The following MUTYH variants were observed in gnomAD, a reference collection of about 807,000 sequenced individuals.
MUTYH encodes mutY DNA glycosylase.
MUTYH carries 64 observed loss-of-function variants against 72.9 expected under a neutral mutation model. The observed-to-expected ratio is 0.88, with a 90% confidence interval of 0.72 to 1.08. The LOEUF is 1.08. Among genes scored for constraint, MUTYH ranks in the 50% least tolerant of loss-of-function variants. The pLI, the probability that MUTYH is intolerant of heterozygous loss-of-function variation, is 0.00. For missense variants in MUTYH, 633 were observed against 671.0 expected (o/e 0.94, Z 0.63); for synonymous variants, 234 against 263.1 (o/e 0.89, Z 1.07).
intron 1 of MUTYH, chr1:45,338,619 C>T: frequency 1.2e-5 from 3 of 253,564 alleles, no homozygotes; most frequent in South Asian, 7.5e-5. Context: ...TGGTGTGTGT[C>T]CAAAGTCAGT....
chr1:45,339,970 G>A lies in MUTYH; in HGVS notation c.-78C>T, dbSNP rs1164643036. ...TCCCGCCGCGAGAGCAGGAGAGAAA[G>A]ATTACCTCCCGCGAGCTCTAGCGCG... On this transcript the variant is annotated 5_prime_UTR_variant, in exon 1 of 16. Transcript: ENST00000456914. 5 of 1,523,456 alleles carry A rather than the reference G, an allele frequency of 3.3e-6. No individual in the cohort carries two copies. Among genetic ancestry groups the A allele is most frequent in the South Asian group, 1.2e-5 (1 of 83,534 alleles). 94.4% of individuals were successfully genotyped at this position (1,523,456 alleles called of 1,614,324 possible).
chr1:45,336,370 C>G (rs537356487), intron 1 of MUTYH, among the ~76,000 whole-genome samples: 1 of 152,268 alleles, frequency 6.6e-6, no homozygotes, highest in Non-Finnish European at 1.5e-5. Context: ...GCCTCTGAGC[C>G]CAAGCTAAGC....
chr1:45,329,523 A>C, intron 15 of MUTYH, 86 bp from the exon 16 acceptor site: 3 of 1,541,594 alleles, frequency 1.9e-6, no homozygotes, highest in Non-Finnish European at 2.7e-6. Flanking sequence ...CCTTTCCCCG[A>C]CTCTACTGAT....
chr1:45,340,213 G>C (rs1553136962), upstream of MUTYH: 8 of 1,613,816 alleles, frequency 5.0e-6, no homozygotes, highest in East Asian at 2.2e-5. Context: ...CGCAAGTCCA[G>C]CGTACCCACA....
chr1:45,340,194 G>C (rs376685164), upstream of MUTYH: 26 of 1,613,286 alleles, frequency 1.6e-5, no homozygotes, highest in African/African-American at 1.2e-4. Flanking sequence ...ACCGCGCCAG[G>C]AGACGGACCG....
rs765046399 is a variant in MUTYH at position 45,332,291 on chromosome 1, C to T, written c.724G>A (p.Val242Met). The change falls in exon 10 of 16, where the codon GTG becomes ATG. Residue 242 changes from valine (V) to methionine (M), a missense_variant. Transcript: ENST00000456914. ...QQLWGLAQQL[V>M]DPARPGDFNQ... ...AAATCTCCTGGCCGGGCTGGGTCCACCAGCTGCTGGGCTAGACCCCTAAAA... is the reference window on the plus strand; with the variant it reads ...AAATCTCCTGGCCGGGCTGGGTCCATCAGCTGCTGGGCTAGACCCCTAAAA... 1.2e-6 allele frequency: 2 copies of T among 1,614,016 alleles called. No individual in the cohort carries two copies. Among genetic ancestry groups the T allele is most frequent in the African/African-American group, 1.3e-5 (1 of 74,930 alleles).
At chr1:45,335,506 CCTCCTCCTCTTCAGGGTCCTG>C (rs890484158) in intron 1 of MUTYH, among the ~76,000 whole-genome samples, 1 of 151,988 alleles carries the variant, frequency 6.6e-6, no homozygotes, top group Non-Finnish European at 1.5e-5. Context: ...ACTGTCTTAC[CCTCCTCCTCTTCAGGGTCCTG>C]CTCCTCCAAT....
chr1:45,329,280 T>C lies in MUTYH; in HGVS notation c.*26A>G. On this transcript the variant is annotated 3_prime_UTR_variant, in exon 16 of 16. Coordinates refer to ENST00000456914, the MANE Select transcript of MUTYH (RefSeq NM_001048174.2). ...AAGCACTTTACTAACAACAGGATTC[T>C]CAGGGAATGGGGGCTTTCAGAGGTG... 6.2e-7 allele frequency: 1 copy of C among 1,614,104 alleles called. No individual in the cohort carries two copies. The highest frequency in any genetic ancestry group is 8.5e-7 in the Non-Finnish European group (1 of 1,179,974).
chr1:45,329,454 G>A lies in MUTYH; in HGVS notation c.1435-17C>T, dbSNP rs1440859293. On this transcript the variant is annotated splice_polypyrimidine_tract_variant and intron_variant, in intron 15 of 15. Coordinates refer to ENST00000456914, the MANE Select transcript of MUTYH (RefSeq NM_001048174.2). ...TTTGGAACCCTGTGAAAAAATGGAA[G>A]GAGGGAGGCCTTGTAGTTGGGGGAG... 1.9e-6 allele frequency: 3 copies of A among 1,613,782 alleles called. No homozygotes were observed. The South Asian group carries it at 3.3e-5, about 18-fold the overall frequency.
In MUTYH at chr1:45,331,826, G is replaced by C; in HGVS notation, c.937C>G (p.Leu313Val). Residue 313 changes from leucine to valine, a missense_variant, in exon 12 of 16, where the codon CTG becomes GTG. Leu to Val is a conservative substitution (Grantham distance 32). Transcript: ENST00000456914. Reference sequence around the variant, plus strand: ...CAGGGCTCCGAGGGAGGCAGGCACAGGTGGCACTGTCCAGTGTTGGGAGCT... The same window carrying C: ...CAGGGCTCCGAGGGAGGCAGGCACACGTGGCACTGTCCAGTGTTGGGAGCT... ...ECAPNTGQCH[L>V]CLPPSEPWDQ... is the part of the protein sequence containing the mutation. 1 of 1,607,748 alleles carries C rather than the reference G, an allele frequency of 6.2e-7. No individual in the cohort carries two copies. Among genetic ancestry groups the C allele is most frequent in the South Asian group, 1.1e-5 (1 of 90,482 alleles).
chr1:45,340,151 C>G, upstream of MUTYH: 2 of 1,591,550 alleles, frequency 1.3e-6, no homozygotes, highest in Non-Finnish European at 1.7e-6. Flanking sequence ...GGCGACCCGA[C>G]GGCGAGACCC....
At position 45,334,482 on chromosome 1, in the gene MUTYH, C is replaced by T. The variant is rs370493415; in HGVS notation, c.24G>A (p.Val8=). Residue 8 remains valine (V), a synonymous_variant, in exon 2 of 16, where the codon GTG becomes GTA. Coordinates refer to ENST00000456914, the MANE Select transcript of MUTYH (RefSeq NM_001048174.2). The part of the protein sequence containing the change: MRKPRAA[V]GSGHRKQAAS... ...CTGCCTGCTTCCTGTGACCACTTCCCACGGCTGCTCGTGGCTTCCTCATGA... is the reference window on the plus strand; with the variant it reads ...CTGCCTGCTTCCTGTGACCACTTCCTACGGCTGCTCGTGGCTTCCTCATGA... 6.2e-7 allele frequency: 1 copy of T among 1,613,990 alleles called. No homozygotes were observed. The highest frequency in any genetic ancestry group is 8.5e-7 in the Non-Finnish European group (1 of 1,180,010).
chr1:45,338,160 G>A (rs1646207483), intron 1 of MUTYH: 1 of 514,732 alleles, frequency 1.9e-6, no homozygotes, highest in Non-Finnish European at 3.8e-6. Flanking sequence ...ACCAGATGAG[G>A]TGGGGAGAGG....
chr1:45,335,041 A>G (rs1302615975), intron 1 of MUTYH, among the ~76,000 whole-genome samples: 3 of 152,214 alleles, frequency 2.0e-5, no homozygotes, highest in Admixed American at 6.5e-5. Context: ...GAGAACAGAG[A>G]TTAGCTATTT....
chr1:45,331,325 T>A lies in MUTYH; in HGVS notation c.1249A>T (p.Thr417Ser). The A allele has an allele frequency of 6.2e-7, 1 of 1,614,102 alleles. No homozygotes were observed. The highest frequency in any genetic ancestry group is 8.5e-7 in the Non-Finnish European group (1 of 1,179,998). The change falls in exon 14 of 16, where the codon ACC becomes TCC. Residue 417 changes from threonine to serine, a missense_variant. Transcript: ENST00000456914. The part of the protein sequence containing the change: ...HLRHLGEVVH[T>S]FSHIKLTYQV... ...TATGTCAGCTTGATGTGAGAGAAGG[T>A]GTGGACAACCTGGAGGAAGGGTCAA...
In MUTYH at chr1:45,339,781, C is replaced by T. The variant is rs1646675433; in HGVS notation, c.-7+118G>A. 11 of 1,202,392 alleles carry T rather than the reference C, an allele frequency of 9.1e-6. No individual in the cohort carries two copies. In the South Asian group the frequency reaches 1.3e-4, roughly 14 times the overall value. The allele number at this position is 1,202,392 out of a possible 1,614,324, so 74.5% of individuals were successfully genotyped here. On this transcript the variant is annotated intron_variant, in intron 1 of 15. Transcript: ENST00000456914. ...TGGGAATTTACCGATGCCCAGAACGCCCTTCTTTCCCCCACACGACCCTCT... is the reference window on the plus strand; with the variant it reads ...TGGGAATTTACCGATGCCCAGAACGTCCTTCTTTCCCCCACACGACCCTCT...
At position 45,329,397 on chromosome 1, in the gene MUTYH, T is replaced by C. The variant is rs1644370527; in HGVS notation, c.1475A>G (p.Lys492Arg). The stretch of plus-strand genomic sequence containing the variant: ...GACTTGCTGGCCCATGCGGGGCTTT[T>C]TCCGACTGCACGGAGAGGACACCTG... ...RSQVSSPCSR[K>R]KPRMGQQVLD... Residue 492 changes from lysine (K) to arginine (R), a missense_variant, in exon 16 of 16, where the codon AAA (lysine) becomes AGA (arginine). Physicochemically the swap from Lys to Arg is conservative, Grantham distance 26. Transcript: ENST00000456914. 6.2e-7 allele frequency: 1 copy of C among 1,614,164 alleles called. No homozygotes were observed. Among genetic ancestry groups the C allele is most frequent in the Non-Finnish European group, 8.5e-7 (1 of 1,180,024 alleles).
upstream of MUTYH, chr1:45,340,438 T>C: frequency 6.6e-7 from 1 of 1,513,698 alleles, no homozygotes; most frequent in Non-Finnish European, 8.8e-7. Context: ...ACGAGGAGAC[T>C]ACAAGTTCCG....
Position 45,332,688 on chromosome 1 carries a change from C to A in MUTYH, c.493-1G>T, listed in dbSNP as rs1423002555. On this transcript the variant is annotated splice_acceptor_variant, in intron 7 of 15. Coordinates refer to ENST00000456914, the MANE Select transcript of MUTYH (RefSeq NM_001048174.2). LOFTEE classifies it high-confidence loss of function. Reference sequence around the variant, plus strand: ...TGTGGCCCCCTAGCTCCTCTACCACCTGATTGGAGTGCAAGACTCAAGATT... The same window carrying A: ...TGTGGCCCCCTAGCTCCTCTACCACATGATTGGAGTGCAAGACTCAAGATT... The A allele has an allele frequency of 6.2e-7, 1 of 1,614,146 alleles. No individual in the cohort carries two copies. The highest frequency in any genetic ancestry group is 8.5e-7 in the Non-Finnish European group (1 of 1,180,002).
Sources: gnomAD v4.1 joint callset for allele counts (sites outside exome capture counted in the v4.1 genomes callset) on GRCh38, gnomAD v4.1.1 for gene constraint, MANE v1.5 for transcripts, NCBI Gene and HGNC (gene_info 2026-07-23, HGNC 2026-07-21) for gene names.